The following MSRA variants were observed in gnomAD, a reference collection of about 807,000 sequenced individuals.
The protein encoded by MSRA is methionine sulfoxide reductase A.
A neutral mutation model predicts 31.3 loss-of-function variants in MSRA; 54 were observed. The ratio of observed to expected loss-of-function variants is 1.73; its 90% confidence interval spans 1.39 to 2.17. The LOEUF (loss-of-function observed/expected upper bound fraction) is 2.17, where lower values mean the gene tolerates loss of function less well. Among genes scored for constraint, MSRA ranks in the 30% most tolerant of loss-of-function variants. The pLI is 0.00. For missense variants in MSRA, 507 were observed against 300.9 expected (o/e 1.69, Z -5.07); for synonymous variants, 169 against 116.5 (o/e 1.45, Z -2.90).
intron 1 of MSRA, among the ~76,000 whole-genome samples, chr8:10,125,169 G>A (rs539246050): frequency 1.2e-4 from 18 of 152,184 alleles, no homozygotes; most frequent in Non-Finnish European, 1.2e-4. Context: ...TGGGTGTGAC[G>A]GCTGCCAGGT....
At chr8:10,082,284 G>C (rs1307693545) in intron 1 of MSRA, among the ~76,000 whole-genome samples, 1 of 152,116 alleles carries the variant, frequency 6.6e-6, no homozygotes, top group African/African-American at 2.4e-5. Flanking sequence ...GAATGTCCTA[G>C]ACTTTCCTGA....
chr8:10,237,441 A>G (rs1161716574), intron 2 of MSRA, among the ~76,000 whole-genome samples: 1 of 152,264 alleles, frequency 6.6e-6, no homozygotes, highest in Admixed American at 6.5e-5. Context: ...TCCAAACCAA[A>G]TTACTAATAT....
chr8:10,135,852 G>A (rs1449012702), intron 1 of MSRA, among the ~76,000 whole-genome samples: 3 of 152,206 alleles, frequency 2.0e-5, no homozygotes, highest in African/African-American at 7.2e-5. Flanking sequence ...CTACAGACAC[G>A]TGGGTCTTTT....
intron 1 of MSRA, among the ~76,000 whole-genome samples, chr8:10,172,851 G>A (rs577702727): frequency 8.5e-5 from 13 of 152,318 alleles, no homozygotes; most frequent in African/African-American, 2.6e-4. Context: ...TATGTGCCAC[G>A]CATAGGTGCT....
At chr8:10,335,008 C>T (rs978032119) in intron 5 of MSRA, among the ~76,000 whole-genome samples, 6 of 144,036 alleles carry the variant, frequency 4.2e-5, no homozygotes, top group African/African-American at 1.5e-4. Flanking sequence ...GCTCTCGTGT[C>T]CTTAGGTCTA....
At chr8:10,353,278 A>C (rs969222924) in intron 5 of MSRA, among the ~76,000 whole-genome samples, 3 of 152,244 alleles carry the variant, frequency 2.0e-5, no homozygotes, top group African/African-American at 7.2e-5. Context: ...CAGTCTTGCC[A>C]ATAAAAAGCC....
At chr8:10,347,339 G>C (rs1294465120) in intron 5 of MSRA, among the ~76,000 whole-genome samples, 13 of 152,092 alleles carry the variant, frequency 8.5e-5, no homozygotes. Context: ...ATCTGCAACT[G>C]GATATTCCAC....
intron 5 of MSRA, among the ~76,000 whole-genome samples, chr8:10,410,097 G>A (rs1278793374): frequency 6.6e-6 from 1 of 152,186 alleles, no homozygotes; most frequent in Admixed American, 6.5e-5. Context: ...GCAAGTCAAA[G>A]GAAAAAGATG....
intron 3 of MSRA, among the ~76,000 whole-genome samples, chr8:10,275,121 T>A (rs1799256270): frequency 6.6e-6 from 1 of 151,922 alleles, no homozygotes; most frequent in Non-Finnish European, 1.5e-5. Context: ...ATTCCAGGTG[T>A]CCTTTTTTCT....
rs913327634 is a variant in MSRA at position 10,428,296 on chromosome 8, T to G, written c.692T>G (p.Val231Gly). 6.2e-7 allele frequency: 1 copy of G among 1,612,090 alleles called. No individual in the cohort carries two copies. Among genetic ancestry groups the G allele is most frequent in the Non-Finnish European group, 8.5e-7 (1 of 1,179,616 alleles). ...GLGGTGVSCP[V>G]GIKK ...GGGGGCACCGGCGTGTCCTGCCCAG[T>G]GGGTATTAAAAAATAATTTCTCCCC... The change falls in exon 6 of 6, where the codon GTG becomes GGG. Residue 231 changes from valine to glycine, a missense_variant. Transcript: ENST00000317173.
intron 1 of MSRA, among the ~76,000 whole-genome samples, chr8:10,164,020 C>G (rs1177839211): frequency 6.6e-6 from 1 of 152,276 alleles, no homozygotes. Context: ...TTCTCTTAGC[C>G]TGTCTTATCT....
intron 4 of MSRA, among the ~76,000 whole-genome samples, chr8:10,308,913 T>C (rs1408431030): frequency 6.6e-6 from 1 of 152,204 alleles, no homozygotes; most frequent in East Asian, 1.9e-4. Flanking sequence ...TAAATGGAAT[T>C]AGGATTATAA....
At chr8:10,242,903 TG>T in intron 2 of MSRA, among the ~76,000 whole-genome samples, 1 of 152,196 alleles carries the variant, frequency 6.6e-6, no homozygotes, top group East Asian at 1.9e-4. Flanking sequence ...CCTGAGACGC[TG>T]TTTCAGCCAC....
At chr8:10,164,178 G>A (rs1344670492) in intron 1 of MSRA, among the ~76,000 whole-genome samples, 1 of 152,190 alleles carries the variant, frequency 6.6e-6, no homozygotes, top group African/African-American at 2.4e-5. Context: ...AAAGTCTAAG[G>A]TGTTAGCAGG....
At chr8:10,427,565 G>T (rs1442784766) in intron 5 of MSRA, among the ~76,000 whole-genome samples, 4 of 152,164 alleles carry the variant, frequency 2.6e-5, no homozygotes, top group African/African-American at 4.8e-5. Context: ...TGCCAGCAGG[G>T]TCCTTCTCCC....
intron 2 of MSRA, among the ~76,000 whole-genome samples, chr8:10,243,149 A>T (rs147761031): frequency 1.3e-5 from 2 of 152,292 alleles, no homozygotes; most frequent in Middle Eastern, 3.4e-3. Flanking sequence ...CCTGCCACGG[A>T]CCTTGTACGT....
chr8:10,356,650 G>C (rs117743996), intron 5 of MSRA, among the ~76,000 whole-genome samples: 2 of 152,168 alleles, frequency 1.3e-5, no homozygotes, highest in Admixed American at 6.5e-5. Context: ...TAAATAGGAT[G>C]AGTGCCGTTG....
At chr8:10,173,507 A>G (rs1409324328) in intron 1 of MSRA, among the ~76,000 whole-genome samples, 1 of 152,182 alleles carries the variant, frequency 6.6e-6, no homozygotes, top group African/African-American at 2.4e-5. Flanking sequence ...CTGAACCCTG[A>G]AGGAATCGGC....
chr8:10,075,701 A>C (rs1013392050), intron 1 of MSRA, among the ~76,000 whole-genome samples: 3 of 152,252 alleles, frequency 2.0e-5, no homozygotes, highest in Admixed American at 6.5e-5. Flanking sequence ...CGATATAACA[A>C]GTTCCACAAA....
Sources: allele counts gnomAD v4.1 joint callset (sites outside exome capture counted in the v4.1 genomes callset), GRCh38; gene constraint gnomAD v4.1.1; transcripts MANE v1.5; gene names NCBI Gene and HGNC (gene_info 2026-07-23, HGNC 2026-07-21).